Variants in TTC39C observed in about 807,000 individuals in gnomAD.
TTC39C encodes tetratricopeptide repeat protein 39C.
In TTC39C, 33 loss-of-function variants were observed where a neutral mutation model predicts 76.3. The observed-to-expected ratio is 0.43, with a 90% CI of 0.33 to 0.58. The LOEUF is 0.58. Among genes scored for constraint, TTC39C ranks in the 20% least tolerant of loss-of-function variants. TTC39C has a pLI of 0.04. For synonymous variants in TTC39C, 254 were observed against 260.6 expected, an observed-to-expected ratio of 0.97 and a Z score of 0.24; for missense variants, 595 against 701.4, an observed-to-expected ratio of 0.85 and a Z score of 1.71.
chr18:24,043,602 G>T (rs891776396), intron 1 of TTC39C, among the ~76,000 whole-genome samples: 2 of 152,168 alleles, frequency 1.3e-5, no homozygotes, highest in Non-Finnish European at 2.9e-5. Context: ...CTCGTCTGCC[G>T]CCTGGGCTGT....
At chr18:24,108,529 A>G (rs1024203693) in intron 6 of TTC39C, among the ~76,000 whole-genome samples, 3 of 152,250 alleles carry the variant, frequency 2.0e-5, no homozygotes, top group Non-Finnish European at 4.4e-5. Flanking sequence ...TAGAACAATA[A>G]GGAATATTAG....
chr18:24,110,335 A>T (rs2084794417), intron 6 of TTC39C, among the ~76,000 whole-genome samples: 1 of 152,248 alleles, frequency 6.6e-6, no homozygotes, highest in Non-Finnish European at 1.5e-5. Flanking sequence ...AACCATATTT[A>T]ATGGTGGCCT....
At chr18:24,036,223 C>A (rs991148479) in intron 1 of TTC39C, among the ~76,000 whole-genome samples, 3 of 152,118 alleles carry the variant, frequency 2.0e-5, no homozygotes, top group Non-Finnish European at 4.4e-5. Flanking sequence ...CCTTGAGATT[C>A]CATATGAATT....
At chr18:24,093,397 T>G (rs1029638809) in intron 6 of TTC39C, among the ~76,000 whole-genome samples, 9 of 150,532 alleles carry the variant, frequency 6.0e-5, no homozygotes, top group Non-Finnish European at 1.3e-4. Flanking sequence ...GAGAATGGCG[T>G]GAACCCAGGA....
chr18:24,043,744 T>C (rs1333932204), intron 1 of TTC39C, among the ~76,000 whole-genome samples: 2 of 152,172 alleles, frequency 1.3e-5, no homozygotes, highest in Non-Finnish European at 2.9e-5. Context: ...ATTAAATCCA[T>C]AAAGTCCCTG....
chr18:23,998,810 G>GGTTCTAAATAGAGACA (rs149626712), intron 1 of TTC39C, among the ~76,000 whole-genome samples: 141,415 of 151,908 alleles, frequency 0.93, 66,463 homozygotes, highest in East Asian at 1. Flanking sequence ...GCATGAAGCT[G>GGTTCTAAATAGAGACA]GTGGAGCTCT....
chr18:24,044,388 C>G (rs1277513021), intron 1 of TTC39C, among the ~76,000 whole-genome samples: 2 of 152,158 alleles, frequency 1.3e-5, no homozygotes, highest in South Asian at 2.1e-4. Context: ...GGCTCAGAGC[C>G]TGGCAGTTGC....
chr18:24,114,318 C>CG (rs5823410), intron 6 of TTC39C: 355,696 of 372,714 alleles, frequency 0.95, 171,193 homozygotes, highest in Non-Finnish European at 0.99. Flanking sequence ...GAGGAGAAGG[C>CG]GGCGCGAGCT....
chr18:24,026,463 T>C (rs926374702), intron 1 of TTC39C, among the ~76,000 whole-genome samples: 1 of 152,160 alleles, frequency 6.6e-6, no homozygotes, highest in East Asian at 1.9e-4. Context: ...GGTTTTCTGT[T>C]GAGCTTGTAC....
chr18:23,997,405 G>C (rs893869565), intron 1 of TTC39C, among the ~76,000 whole-genome samples: 16 of 151,916 alleles, frequency 1.1e-4, no homozygotes, highest in Non-Finnish European at 4.4e-5. Context: ...ACGAAAATTA[G>C]CCGGGCGTGG....
At chr18:24,037,847 G>A (rs2083749739) in intron 1 of TTC39C, among the ~76,000 whole-genome samples, 1 of 152,154 alleles carries the variant, frequency 6.6e-6, no homozygotes, top group South Asian at 2.1e-4. Flanking sequence ...TTTTATGTTG[G>A]TGTATGACTG....
intron 4 of TTC39C, 148 bp downstream of exon 4, chr18:24,069,419 AAACCAC>A: frequency 1.5e-6 from 1 of 674,536 alleles, no homozygotes; most frequent in Non-Finnish European, 2.5e-6. Context: ...GGGGAAATTG[AAACCAC>A]AAGTGTTTAA....
chr18:24,109,176 C>CAAAAAAAAAAAAAAAAAAAAAAA (rs35872928), intron 6 of TTC39C, among the ~76,000 whole-genome samples: 21 of 73,872 alleles, frequency 2.8e-4, no homozygotes, highest in African/African-American at 1.0e-3. Flanking sequence ...CCCGTCTCTA[C>CAAAAAAAAAAAAAAAAAAAAAAA]AAAAAAAAAA....
Position 24,016,783 on chromosome 18 carries a change from G to A in TTC39C, c.167+1745G>A, listed in dbSNP as rs2083459369. On this transcript the variant is annotated intron_variant, in intron 1 of 13. Coordinates refer to ENST00000317571, the MANE Select transcript of TTC39C (RefSeq NM_001135993.2). Reference sequence around the variant, plus strand: ...GTCCAGGGAATATTTACCTTGTATAGCTAGGTGCTGTCTGCTTGTATTTTG... The same window carrying A: ...GTCCAGGGAATATTTACCTTGTATAACTAGGTGCTGTCTGCTTGTATTTTG... 1.3e-5 allele frequency: 5 copies of A among 398,444 alleles called. No homozygotes were observed. The South Asian group carries it at 6.4e-4, about 51-fold the overall frequency. 24.7% of individuals were successfully genotyped at this position (398,444 alleles called of 1,614,324 possible).
intron 1 of TTC39C, among the ~76,000 whole-genome samples, chr18:24,042,236 A>G (rs1053661900): frequency 1.3e-5 from 2 of 152,200 alleles, no homozygotes; most frequent in Non-Finnish European, 2.9e-5. Flanking sequence ...TAACAGTGCT[A>G]TAGTGTAAGC....
chr18:24,115,254 G>A (rs928160633), intron 7 of TTC39C, among the ~76,000 whole-genome samples: 5 of 152,306 alleles, frequency 3.3e-5, no homozygotes, highest in Non-Finnish European at 2.9e-5. Context: ...TTATCTGCCC[G>A]AGATTTTCCC....
intron 6 of TTC39C, among the ~76,000 whole-genome samples, chr18:24,093,382 G>A (rs1439788049): frequency 6.6e-6 from 1 of 151,990 alleles, no homozygotes; most frequent in African/African-American, 2.4e-5. Flanking sequence ...GGGAGGCTGA[G>A]GCAGGAGAAT....
chr18:24,063,150 C>A (rs1042224013), intron 1 of TTC39C, among the ~76,000 whole-genome samples: 10 of 152,136 alleles, frequency 6.6e-5, no homozygotes, highest in African/African-American at 2.4e-4. Flanking sequence ...TTATAGAAAT[C>A]TGGATTTTGT....
intron 6 of TTC39C, among the ~76,000 whole-genome samples, chr18:24,101,305 T>TTAAA (rs1438403403): frequency 7.2e-6 from 1 of 139,456 alleles, no homozygotes. Context: ...TAATTTTTCA[T>TTAAA]AAAAAAAAAA....
Sources: gnomAD v4.1 joint callset for allele counts (sites outside exome capture counted in the v4.1 genomes callset) on GRCh38, gnomAD v4.1.1 for gene constraint, MANE v1.5 for transcripts, NCBI Gene and HGNC (gene_info 2026-07-23, HGNC 2026-07-21) for gene names.